SAMHD1: variants seen among roughly 807,000 people sequenced by gnomAD.
SAMHD1 encodes deoxynucleoside triphosphate triphosphohydrolase SAMHD1.
A neutral mutation model predicts 79.6 loss-of-function variants in SAMHD1; 54 were observed. That is an observed-to-expected ratio of 0.68 (90% CI 0.55 to 0.85). The LOEUF (loss-of-function observed/expected upper bound fraction) is 0.85. SAMHD1 is among the 40% of genes least tolerant of loss of function. SAMHD1 has a pLI of 0.00. For missense variants in SAMHD1, 663 were observed against 782.7 expected (o/e 0.85, Z 1.82); for synonymous variants, 260 against 264.1 (o/e 0.98, Z 0.15).
intron 5 of SAMHD1, among the ~76,000 whole-genome samples, chr20:36,927,557 T>C (rs2063544736): frequency 6.6e-6 from 1 of 152,262 alleles, no homozygotes; most frequent in South Asian, 2.1e-4. Context: ...CCTCAGGTGA[T>C]CCGCCCGTCT....
chr20:36,904,350 C>T (rs551560799), intron 12 of SAMHD1, 101 bp from the exon 13 acceptor site: 14 of 804,004 alleles, frequency 1.7e-5, no homozygotes, highest in East Asian at 4.9e-5. Context: ...CTAAGAAAAA[C>T]GATTAGAGAT....
At chr20:36,903,556 CTTT>C (rs56285893) in intron 13 of SAMHD1, among the ~76,000 whole-genome samples, 2 of 119,456 alleles carry the variant, frequency 1.7e-5, no homozygotes. Flanking sequence ...TTTTCTTTTT[CTTT>C]TTTTTTTTTG....
In SAMHD1 at chr20:36,913,864, G is replaced by A. The variant is rs547624981; in HGVS notation, c.1063-1312C>T. On this transcript the variant is annotated intron_variant, in intron 9 of 15. Transcript: ENST00000646673. ...CACCTCCCAGGTTCAACCGATTCTC[G>A]TACCTCATCCTCCTGAGTAGCTGGG... Among the ~76,000 whole-genome samples, 18 of 149,156 alleles carry A rather than the reference G, an allele frequency of 1.2e-4. 1 individual carries two copies. Among genetic ancestry groups the A allele is most frequent in the Admixed American group, 1.4e-4 (2 of 14,784 alleles).
intron 12 of SAMHD1, 151 bp downstream of exon 12, chr20:36,905,213 A>G (rs2063397889): frequency 7.4e-6 from 6 of 807,306 alleles, no homozygotes; most frequent in Non-Finnish European, 1.3e-5. Context: ...TATCTGTAAA[A>G]CAGGCCTAAG....
Position 36,892,833 on chromosome 20 carries a change from T to G in SAMHD1, c.*99A>C. The G allele has an allele frequency of 6.7e-7, 1 of 1,491,536 alleles. No homozygotes were observed. The highest frequency in any genetic ancestry group is 1.7e-4 in the Middle Eastern group (1 of 5,768). 92.4% of individuals were successfully genotyped at this position (1,491,536 alleles called of 1,614,324 possible). On this transcript the variant is annotated 3_prime_UTR_variant, in exon 16 of 16. Coordinates refer to ENST00000646673, the MANE Select transcript of SAMHD1 (RefSeq NM_015474.4). Reference sequence around the variant, plus strand: ...ATGCGTGTACATTCAAAATACAAAATTAAAGCATGAGTTGTCATTAATTTG... The same window carrying G: ...ATGCGTGTACATTCAAAATACAAAAGTAAAGCATGAGTTGTCATTAATTTG...
intron 9 of SAMHD1, among the ~76,000 whole-genome samples, chr20:36,916,053 A>G (rs1468610072): frequency 6.6e-6 from 1 of 151,474 alleles, no homozygotes; most frequent in African/African-American, 2.4e-5. Flanking sequence ...CCCAGCTACT[A>G]GGGAGGCTGA....
intron 13 of SAMHD1, among the ~76,000 whole-genome samples, chr20:36,900,636 G>A (rs536973551): frequency 4.0e-5 from 6 of 150,846 alleles, no homozygotes; most frequent in East Asian, 2.0e-4. Flanking sequence ...GCTCGCTCTC[G>A]GCTCACTGCA....
intron 10 of SAMHD1, chr20:36,911,745 G>A (rs2063442062): frequency 5.1e-6 from 1 of 196,202 alleles, no homozygotes; most frequent in Non-Finnish European, 1.1e-5. Context: ...ATACAAATAG[G>A]AGAAGGTATT....
chr20:36,905,616 A>G (rs1474297172), intron 11 of SAMHD1, 113 bp from the exon 12 acceptor site: 2 of 927,354 alleles, frequency 2.2e-6, no homozygotes, highest in Non-Finnish European at 3.3e-6. Context: ...ATGTAGGTAC[A>G]TTATTATTTT....
At chr20:36,946,715 T>C (rs760496593) in intron 2 of SAMHD1, 23 bp downstream of exon 2, 12 of 1,585,238 alleles carry the variant, frequency 7.6e-6, no homozygotes, top group Non-Finnish European at 1.0e-5. Context: ...GGTTATAACG[T>C]GAATTTATTT....
chr20:36,896,622 G>A (rs893990433), intron 15 of SAMHD1, among the ~76,000 whole-genome samples: 1 of 151,906 alleles, frequency 6.6e-6, no homozygotes, highest in African/African-American at 2.4e-5. Flanking sequence ...GGATCACGAG[G>A]TCAGGAGATA....
intron 7 of SAMHD1, among the ~76,000 whole-genome samples, chr20:36,918,801 C>CAAAAAAA (rs60403097): frequency 5.8e-4 from 38 of 65,322 alleles, no homozygotes; most frequent in Non-Finnish European, 7.0e-4. Flanking sequence ...GACTCTATCT[C>CAAAAAAA]AAAAAAAAAA....
chr20:36,947,184 G>T (rs959947177), intron 1 of SAMHD1: 1 of 235,916 alleles, frequency 4.2e-6, no homozygotes, highest in Non-Finnish European at 8.4e-6. Context: ...TTGAGTTGGG[G>T]AGGGAAGGAA....
chr20:36,897,398 T>C (rs540396851), intron 15 of SAMHD1, among the ~76,000 whole-genome samples: 33 of 152,310 alleles, frequency 2.2e-4, no homozygotes, highest in Non-Finnish European at 4.3e-4. Flanking sequence ...ACTCACATTC[T>C]AGATAATTTA....
chr20:36,903,840 C>T (rs1385063526), intron 13 of SAMHD1: 3 of 235,468 alleles, frequency 1.3e-5, no homozygotes, highest in Non-Finnish European at 8.4e-6. Context: ...CGTGAGCCAC[C>T]GTGCCTGGCC....
At chr20:36,950,592 T>A (rs1478346884) in intron 1 of SAMHD1, among the ~76,000 whole-genome samples, 1 of 152,142 alleles carries the variant, frequency 6.6e-6, no homozygotes, top group Non-Finnish European at 1.5e-5. Context: ...GATGCTTGGA[T>A]ACGAATCAGT....
chr20:36,923,274 C>T (rs2063517648), intron 6 of SAMHD1, among the ~76,000 whole-genome samples: 1 of 152,020 alleles, frequency 6.6e-6, no homozygotes, highest in South Asian at 2.1e-4. Flanking sequence ...GCTCAGATTA[C>T]AGGCGCGAGC....
intron 13 of SAMHD1, 37 bp from the exon 14 acceptor site, chr20:36,898,581 G>A (rs756782912): frequency 1.3e-6 from 2 of 1,495,986 alleles, no homozygotes; most frequent in Admixed American, 3.3e-5. Context: ...CATATAGCAA[G>A]CAGGAGAACT....
intron 4 of SAMHD1, among the ~76,000 whole-genome samples, chr20:36,933,244 C>T (rs1601143038): frequency 6.6e-6 from 1 of 151,960 alleles, no homozygotes; most frequent in South Asian, 2.1e-4. Flanking sequence ...CTATTCTTCC[C>T]TGTCCACTTC....
Sources: gnomAD v4.1 joint callset for allele counts (sites outside exome capture counted in the v4.1 genomes callset) on GRCh38, gnomAD v4.1.1 for gene constraint, MANE v1.5 for transcripts, NCBI Gene and HGNC (gene_info 2026-07-23, HGNC 2026-07-21) for gene names.